Variants in ACSBG1 observed in about 807,000 individuals in gnomAD.
ACSBG1 encodes the protein long-chain-fatty-acid--CoA ligase ACSBG1.
Under a neutral mutation model 80.2 loss-of-function variants are expected in ACSBG1, and 39 were observed. That is an observed-to-expected ratio of 0.49 (90% CI 0.38 to 0.64). The LOEUF (loss-of-function observed/expected upper bound fraction) is 0.64, where lower values mean the gene tolerates loss of function less well. ACSBG1 is among the 30% of genes least tolerant of loss of function. The pLI is 0.00. For missense variants in ACSBG1, 828 were observed against 966.4 expected, an observed-to-expected ratio of 0.86 and a Z score of 1.90; for synonymous variants, 392 against 379.5, an observed-to-expected ratio of 1.03 and a Z score of -0.38.
At chr15:78,175,842 A>C (rs2074876521) in intron 11 of ACSBG1, among the ~76,000 whole-genome samples, 1 of 152,126 alleles carries the variant, frequency 6.6e-6, no homozygotes, top group African/African-American at 2.4e-5. Flanking sequence ...CAGACTCTGG[A>C]AATGTGGGAA....
chr15:78,184,872 A>G (rs2141335159), intron 5 of ACSBG1, among the ~76,000 whole-genome samples: 1 of 152,286 alleles, frequency 6.6e-6, no homozygotes, highest in East Asian at 1.9e-4. Flanking sequence ...AGAGAAAGCA[A>G]TTGTTTTCAG....
At chr15:78,181,420 C>T (rs1349056630) in intron 8 of ACSBG1, among the ~76,000 whole-genome samples, 4 of 151,782 alleles carry the variant, frequency 2.6e-5, no homozygotes, top group Admixed American at 2.6e-4. Flanking sequence ...TCTGAGGATG[C>T]CCGTCCTTGA....
Position 78,219,406 on chromosome 15 carries a change from CAAAAAAA to C in ACSBG1, c.132-11311_132-11305del, listed in dbSNP as rs34636353. Among the ~76,000 whole-genome samples, 20 of 119,704 alleles carry C rather than the reference CAAAAAAA, an allele frequency of 1.7e-4. No individual in the cohort carries two copies. In the East Asian group the frequency reaches 5.6e-3, roughly 34 times the overall value. The allele number at this position is 119,704 out of a possible 152,430, so 78.5% of individuals were successfully genotyped here. On this transcript the variant is annotated intron_variant, in intron 1 of 13. Transcript: ENST00000258873. Reference sequence around the variant, plus strand: ...TGGGTGACAGAGTAAGGCTTTGTCTCAAAAAAAAAAAAAAAAAAAGTGAACTTGAAGA... The same window carrying C: ...TGGGTGACAGAGTAAGGCTTTGTCTCAAAAAAAAAAAAGTGAACTTGAAGA...
intron 1 of ACSBG1, chr15:78,212,569 G>A (rs1262738685): frequency 6.6e-6 from 3 of 455,866 alleles, no homozygotes; most frequent in African/African-American, 6.0e-5. Flanking sequence ...GGATGGAGCT[G>A]GCAGACCTGA....
rs778868128 is a variant in ACSBG1, at chr15:78,171,474, AATG to A, written c.2142_2144del (p.Ile715del). The A allele has an allele frequency of 6.2e-7, 1 of 1,614,204 alleles. No homozygotes were observed. Among genetic ancestry groups the A allele is most frequent in the South Asian group, 1.1e-5 (1 of 91,080 alleles). ...TTTTTTGCTCTTGGTAAAAGGAGTC[AATG>A]ATACCTTTGTACTTCTCCAAAACTG... On this transcript the variant is annotated inframe_deletion, in exon 14 of 14. Transcript: ENST00000258873.
At chr15:78,209,601 TG>T (rs1244415710) in intron 1 of ACSBG1, among the ~76,000 whole-genome samples, 2 of 152,150 alleles carry the variant, frequency 1.3e-5, no homozygotes, top group Admixed American at 1.3e-4. Flanking sequence ...TGTTACCAAA[TG>T]GCCCCTGAGC....
chr15:78,179,233 C>T (rs1226588513), intron 10 of ACSBG1, among the ~76,000 whole-genome samples: 1 of 152,198 alleles, frequency 6.6e-6, no homozygotes, highest in Non-Finnish European at 1.5e-5. Flanking sequence ...CACTGGAGCA[C>T]ACCCCACTCC....
At chr15:78,230,627 T>C (rs1348567395) in intron 1 of ACSBG1, among the ~76,000 whole-genome samples, 2 of 152,170 alleles carry the variant, frequency 1.3e-5, no homozygotes, top group Non-Finnish European at 2.9e-5. Flanking sequence ...TGGGAGGTAA[T>C]TGCATCATGG....
At chr15:78,225,688 T>C (rs2075394886) in intron 1 of ACSBG1, among the ~76,000 whole-genome samples, 1 of 152,142 alleles carries the variant, frequency 6.6e-6, no homozygotes, top group South Asian at 2.1e-4. Flanking sequence ...ACTGACAAGA[T>C]GATTCTACAT....
At chr15:78,196,244 C>G (rs1391500451) in intron 2 of ACSBG1, among the ~76,000 whole-genome samples, 5 of 152,228 alleles carry the variant, frequency 3.3e-5, no homozygotes, top group African/African-American at 1.2e-4. Flanking sequence ...TCCAATCACT[C>G]CTCAGACCTC....
At position 78,173,791 on chromosome 15, in the gene ACSBG1, G is replaced by A. The variant is rs1199272769; in HGVS notation, c.1891C>T (p.Gln631Ter). 1 of 1,614,132 alleles carries A rather than the reference G, an allele frequency of 6.2e-7. No homozygotes were observed. Among genetic ancestry groups the A allele is most frequent in the Admixed American group, 1.7e-5 (1 of 60,022 alleles). ...TSDQTDNLTEQAMEFCQRVGS... is the reference protein window; with the variant it reads ...TSDQTDNLTE Reference sequence around the variant, plus strand: ...ACCCTCTGGCAGAACTCCATAGCTTGTTCAGTCAGATTATCAGTCTGGTCA... The same window carrying A: ...ACCCTCTGGCAGAACTCCATAGCTTATTCAGTCAGATTATCAGTCTGGTCA... Residue 631 changes from glutamine (Q) to a stop codon, truncating the protein, a stop_gained, in exon 13 of 14, where the codon CAA becomes TAA. Coordinates refer to ENST00000258873, the MANE Select transcript of ACSBG1 (RefSeq NM_015162.5). LOFTEE classifies it high-confidence loss of function.
Position 78,194,770 on chromosome 15 carries a change from G to A in ACSBG1, c.233-44C>T, listed in dbSNP as rs760791338. On this transcript the variant is annotated intron_variant, in intron 2 of 13. Coordinates refer to ENST00000258873, the MANE Select transcript of ACSBG1 (RefSeq NM_015162.5). ...CACAGCTTGGATCATGCCAGCCTGG[G>A]GACACTTGTCCTGCCCTGGGCAGAG... The A allele has an allele frequency of 1.9e-6, 3 of 1,588,154 alleles. No individual in the cohort carries two copies. The South Asian group carries it at 3.3e-5, about 18-fold the overall frequency.
At chr15:78,203,930 G>A (rs1486107893) in intron 2 of ACSBG1, among the ~76,000 whole-genome samples, 1 of 152,200 alleles carries the variant, frequency 6.6e-6, no homozygotes, top group Non-Finnish European at 1.5e-5. Context: ...CTCCAACACG[G>A]GACCCTGTGC....
At chr15:78,216,507 C>T (rs1282110313) in intron 1 of ACSBG1, among the ~76,000 whole-genome samples, 11 of 152,186 alleles carry the variant, frequency 7.2e-5, no homozygotes. Flanking sequence ...TTTTCCAGCT[C>T]ACACGGGTGG....
chr15:78,212,979 A>G (rs1216504426), intron 1 of ACSBG1, among the ~76,000 whole-genome samples: 1 of 152,180 alleles, frequency 6.6e-6, no homozygotes. Flanking sequence ...TGCTTTGCAG[A>G]GACTTCTGGC....
rs191146382 is a variant in ACSBG1 at position 78,215,377 on chromosome 15, C to A, written c.132-7275G>T. Among the ~76,000 whole-genome samples, 23 of 152,294 alleles carry A rather than the reference C, an allele frequency of 1.5e-4. No homozygotes were observed. The East Asian group carries it at 4.2e-3, about 28-fold the overall frequency. On this transcript the variant is annotated intron_variant, in intron 1 of 13. Transcript: ENST00000258873. The stretch of plus-strand genomic sequence containing the variant: ...TGAGGTTTGAAAACCTCAACAGTGG[C>A]CAGGCATGGTGGCTCATGCCTGTAA...
intron 5 of ACSBG1, among the ~76,000 whole-genome samples, chr15:78,191,011 A>G (rs2075052380): frequency 6.6e-6 from 1 of 152,212 alleles, no homozygotes; most frequent in African/African-American, 2.4e-5. Context: ...TGTGCTGTCT[A>G]CAAGAAACTC....
At chr15:78,193,091 C>T (rs900156915) in intron 5 of ACSBG1, among the ~76,000 whole-genome samples, 1 of 152,134 alleles carries the variant, frequency 6.6e-6, no homozygotes, top group Non-Finnish European at 1.5e-5. Flanking sequence ...GCCCTCACCA[C>T]CCCCCATCAC....
At chr15:78,204,254 T>G (rs775461215) in intron 2 of ACSBG1, among the ~76,000 whole-genome samples, 19 of 152,338 alleles carry the variant, frequency 1.2e-4, no homozygotes, top group Admixed American at 5.9e-4. Context: ...TTTTAGCTTT[T>G]TAAAATTGCC....
Sources: gnomAD v4.1 joint callset for allele counts (sites outside exome capture counted in the v4.1 genomes callset) on GRCh38, gnomAD v4.1.1 for gene constraint, MANE v1.5 for transcripts, NCBI Gene and HGNC (gene_info 2026-07-23, HGNC 2026-07-21) for gene names.